The following WDR17 variants were observed in gnomAD, a reference collection of about 807,000 sequenced individuals.
WDR17 encodes WD repeat domain 17.
WDR17 carries 143 observed loss-of-function variants against 161.7 expected under a neutral mutation model. The ratio of observed to expected loss-of-function variants is 0.88; its 90% CI spans 0.77 to 1.02. WDR17 has a LOEUF of 1.02. Ranked by LOEUF, WDR17 falls within the 50% of genes least tolerant of loss-of-function variation. WDR17 has a pLI of 0.00. For missense variants in WDR17, 1,469 were observed against 1,520.9 expected, an observed-to-expected ratio of 0.97 and a Z score of 0.57; for synonymous variants, 517 against 515.6, an observed-to-expected ratio of 1.00 and a Z score of -0.04.
At chr4:176,139,254 A>C (rs894039680) in intron 9 of WDR17, among the ~76,000 whole-genome samples, 2 of 151,950 alleles carry the variant, frequency 1.3e-5, no homozygotes, top group African/African-American at 4.8e-5. Context: ...TTATTTACTG[A>C]TCACACCGTT....
At position 176,150,099 on chromosome 4, in the gene WDR17, A is replaced by G. The variant is rs1246250175; in HGVS notation, c.2104A>G (p.Ile702Val). 1.9e-6 allele frequency: 3 copies of G among 1,613,936 alleles called. No homozygotes were observed. The highest frequency in any genetic ancestry group is 1.1e-5 in the South Asian group (1 of 91,082). Residue 702 changes from isoleucine to valine, a missense_variant, in exon 15 of 29, where the codon ATT becomes GTT. Ile to Val is a conservative substitution (Grantham distance 29). Transcript: ENST00000508596. ...PLLCGKVSRD[I>V]RQEIEKLTAN... ...ACTGTGTGGTAAAGTGTCAAGAGAT[A>G]TTAGACAGGAAATAGAAAAACTAAC...
intron 1 of WDR17, among the ~76,000 whole-genome samples, chr4:176,106,734 A>G (rs542239350): frequency 1.3e-5 from 2 of 152,204 alleles, no homozygotes; most frequent in Non-Finnish European, 2.9e-5. Context: ...CAGGATGATC[A>G]CTTGAGGCCA....
At chr4:176,088,213 T>G (rs1274102397) in intron 1 of WDR17, among the ~76,000 whole-genome samples, 1 of 152,178 alleles carries the variant, frequency 6.6e-6, no homozygotes, top group East Asian at 1.9e-4. Context: ...CTATTTTACT[T>G]TATTTGTTAC....
rs146325115 is a variant in WDR17 at position 176,175,538 on chromosome 4, A to ATTTG, written c.3449+852_3449+855dup. On this transcript the variant is annotated intron_variant, in intron 26 of 28. Coordinates refer to ENST00000508596, the MANE Select transcript of WDR17 (RefSeq NM_181265.4). ...AGGGTCCGTGGTTAAGCAGTCTTTT[A>ATTTG]TTTGTTTGTTTGTTTGTTTGTTTGT... Among the ~76,000 whole-genome samples, 1,026 of 150,146 alleles carry ATTTG rather than the reference A, an allele frequency of 6.8e-3. 6 individuals carry two copies. Among genetic ancestry groups the ATTTG allele is most frequent in the Middle Eastern group, 0.014 (4 of 294 alleles).
intron 1 of WDR17, among the ~76,000 whole-genome samples, chr4:176,077,327 G>C (rs1734183669): frequency 1.3e-5 from 2 of 151,924 alleles, no homozygotes; most frequent in African/African-American, 4.8e-5. Context: ...GTTACTTTCT[G>C]GTTGACATTG....
At chr4:176,124,834 A>T (rs558094687) in intron 4 of WDR17, among the ~76,000 whole-genome samples, 2 of 152,316 alleles carry the variant, frequency 1.3e-5, no homozygotes, top group South Asian at 4.1e-4. Context: ...ATTTATCTGT[A>T]TATTTTCTTA....
chr4:176,173,141 G>A (rs1750981841), intron 24 of WDR17, 126 bp from the exon 25 acceptor site: 1 of 570,158 alleles, frequency 1.8e-6, no homozygotes, highest in Admixed American at 3.4e-5. Flanking sequence ...GAAAATACTT[G>A]TGATCTAGAA....
chr4:176,126,632 C>G (rs1056881360), intron 5 of WDR17, among the ~76,000 whole-genome samples: 50 of 152,200 alleles, frequency 3.3e-4, no homozygotes, highest in African/African-American at 1.2e-3. Context: ...CTATGTTGAA[C>G]CCATGTGAAT....
chr4:176,068,281 C>T (rs866522560), intron 1 of WDR17: 12 of 152,022 alleles, frequency 7.9e-5, no homozygotes, highest in African/African-American at 2.7e-4. Context: ...GAGATTTCAT[C>T]GAAATTATAT....
chr4:176,150,108 G>A lies in WDR17; in HGVS notation c.2113G>A (p.Glu705Lys), dbSNP rs773234235. 3 of 1,613,792 alleles carry A rather than the reference G, an allele frequency of 1.9e-6. No individual in the cohort carries two copies. Among genetic ancestry groups the A allele is most frequent in the Non-Finnish European group, 2.5e-6 (3 of 1,179,934 alleles). ...CGKVSRDIRQEIEKLTANSQV... is the reference protein window; with the variant it reads ...CGKVSRDIRQKIEKLTANSQV... ...TAAAGTGTCAAGAGATATTAGACAGGAAATAGAAAAACTAACTGCTAATTC... is the reference window on the plus strand; with the variant it reads ...TAAAGTGTCAAGAGATATTAGACAGAAAATAGAAAAACTAACTGCTAATTC... Residue 705 changes from glutamate to lysine, a missense_variant, in exon 15 of 29, where the codon GAA becomes AAA. Coordinates refer to ENST00000508596, the MANE Select transcript of WDR17 (RefSeq NM_181265.4).
At position 176,105,847 on chromosome 4, in the gene WDR17, TATA is replaced by T. The variant is rs200897284; in HGVS notation, c.-6-5724_-6-5722del. ...CTAAACCCAAAACTAGAATGAAGGA[TATA>T]ATATCTAAGCAGAGATAAATGAAGT... On this transcript the variant is annotated intron_variant, in intron 1 of 28. Coordinates refer to ENST00000508596, the MANE Select transcript of WDR17 (RefSeq NM_181265.4). Among the ~76,000 whole-genome samples, 1,396 of 151,348 alleles carry T rather than the reference TATA, an allele frequency of 9.2e-3. 16 individuals are homozygous for T. Among genetic ancestry groups the T allele is most frequent in the African/African-American group, 0.032 (1,322 of 41,254 alleles).
At chr4:176,149,527 C>T (rs1746766468) in intron 13 of WDR17, among the ~76,000 whole-genome samples, 1 of 152,126 alleles carries the variant, frequency 6.6e-6, no homozygotes, top group East Asian at 1.9e-4. Context: ...GCCTCAGACT[C>T]CCAGGAAAGT....
intron 5 of WDR17, among the ~76,000 whole-genome samples, chr4:176,128,117 T>C (rs1272981905): frequency 6.6e-6 from 1 of 152,198 alleles, no homozygotes; most frequent in Non-Finnish European, 1.5e-5. Flanking sequence ...TATGAACATG[T>C]ATGTACAGGT....
At chr4:176,094,400 T>C (rs1579028703) in intron 1 of WDR17, among the ~76,000 whole-genome samples, 1 of 152,182 alleles carries the variant, frequency 6.6e-6, no homozygotes, top group South Asian at 2.1e-4. Context: ...CCTACAAATA[T>C]AGATATGAAG....
At chr4:176,094,950 A>G (rs755101591) in intron 1 of WDR17, among the ~76,000 whole-genome samples, 1 of 152,170 alleles carries the variant, frequency 6.6e-6, no homozygotes, top group Non-Finnish European at 1.5e-5. Flanking sequence ...TGAGATTATC[A>G]GGTAAAGGGC....
intron 16 of WDR17, 90 bp from the exon 17 acceptor site, chr4:176,151,722 G>C: frequency 8.4e-7 from 1 of 1,194,912 alleles, no homozygotes; most frequent in Non-Finnish European, 1.1e-6. Context: ...CGCTCTATTA[G>C]TTATTTCAAA....
At chr4:176,116,959 A>G (rs1486977933) in intron 3 of WDR17, among the ~76,000 whole-genome samples, 1 of 151,886 alleles carries the variant, frequency 6.6e-6, no homozygotes, top group Non-Finnish European at 1.5e-5. Flanking sequence ...TTGTCAAATG[A>G]AGTTAATTTT....
At chr4:176,143,156 G>A (rs1015023104) in intron 11 of WDR17, among the ~76,000 whole-genome samples, 71 of 152,222 alleles carry the variant, frequency 4.7e-4, no homozygotes, top group African/African-American at 1.6e-3. Context: ...TGGGATTACA[G>A]GCGTGAGCCA....
At chr4:176,112,429 A>G (rs747087283) in intron 2 of WDR17, among the ~76,000 whole-genome samples, 8 of 152,208 alleles carry the variant, frequency 5.3e-5, no homozygotes, top group Non-Finnish European at 8.8e-5. Context: ...GTTGCTACTC[A>G]TTCCCTAATA....
Sources: allele counts gnomAD v4.1 joint callset (sites outside exome capture counted in the v4.1 genomes callset), GRCh38; gene constraint gnomAD v4.1.1; transcripts MANE v1.5; gene names NCBI Gene and HGNC (gene_info 2026-07-23, HGNC 2026-07-21).